The following HSD17B11 variants were observed in gnomAD, a reference collection of about 807,000 sequenced individuals.
HSD17B11 encodes the protein hydroxysteroid 17-beta dehydrogenase 11.
In HSD17B11, 22 loss-of-function variants were observed where a neutral mutation model predicts 27.8. That is an observed-to-expected ratio of 0.79 (90% confidence interval 0.56 to 1.13). HSD17B11 has a LOEUF of 1.13. Among genes scored for constraint, HSD17B11 ranks in the 50% most tolerant of loss-of-function variants. The pLI is 0.00. For synonymous variants in HSD17B11, 117 were observed against 132.8 expected, an observed-to-expected ratio of 0.88 and a Z score of 0.82; for missense variants, 314 against 351.1, an observed-to-expected ratio of 0.89 and a Z score of 0.84.
At chr4:87,377,227 G>A (rs1173811523) in intron 2 of HSD17B11, among the ~76,000 whole-genome samples, 1 of 152,094 alleles carries the variant, frequency 6.6e-6, no homozygotes, top group Non-Finnish European at 1.5e-5. Context: ...TGAGGCAGGT[G>A]GATCATGAGG....
At chr4:87,340,734 T>C (rs1735151357) in intron 5 of HSD17B11, 128 bp from the exon 6 acceptor site, 2 of 571,412 alleles carry the variant, frequency 3.5e-6, no homozygotes, top group Non-Finnish European at 6.2e-6. Context: ...TCTAGCCTAG[T>C]ATAGGTGCTC....
At chr4:87,377,789 T>C (rs1444187945) in intron 2 of HSD17B11, among the ~76,000 whole-genome samples, 1 of 152,304 alleles carries the variant, frequency 6.6e-6, no homozygotes, top group Non-Finnish European at 1.5e-5. Flanking sequence ...TATTTAGAGA[T>C]AGTGCTACAG....
intron 4 of HSD17B11, among the ~76,000 whole-genome samples, chr4:87,361,699 G>A (rs1300380670): frequency 3.9e-5 from 6 of 152,226 alleles, no homozygotes; most frequent in South Asian, 2.1e-4. Context: ...CCCGGGAGGC[G>A]GAGCTTGCAG....
intron 1 of HSD17B11, among the ~76,000 whole-genome samples, chr4:87,387,611 AAT>A (rs1480017922): frequency 6.6e-6 from 1 of 152,210 alleles, no homozygotes; most frequent in Non-Finnish European, 1.5e-5. Flanking sequence ...CGGCAAGAAA[AAT>A]AGAGTGGGAT....
chr4:87,355,774 C>A (rs955170566), intron 5 of HSD17B11, among the ~76,000 whole-genome samples: 1 of 151,928 alleles, frequency 6.6e-6, no homozygotes, highest in South Asian at 2.1e-4. Context: ...CGTGGTCGTG[C>A]GTGCCTGTAA....
At chr4:87,389,796 TC>T (rs1313357840) in intron 1 of HSD17B11, among the ~76,000 whole-genome samples, 1 of 152,142 alleles carries the variant, frequency 6.6e-6, no homozygotes, top group Non-Finnish European at 1.5e-5. Context: ...CTACCAAAGG[TC>T]AAATAAAAGG....
chr4:87,370,900 C>G (rs960470973), intron 4 of HSD17B11, among the ~76,000 whole-genome samples: 1 of 123,614 alleles, frequency 8.1e-6, no homozygotes, highest in Non-Finnish European at 1.6e-5. Context: ...CTACAGGCGC[C>G]CGCTACCACG....
intron 4 of HSD17B11, among the ~76,000 whole-genome samples, chr4:87,363,429 A>G (rs983505446): frequency 1.3e-5 from 2 of 152,206 alleles, no homozygotes; most frequent in Non-Finnish European, 2.9e-5. Context: ...GGGGTACTTC[A>G]GGATAAAACA....
intron 2 of HSD17B11, among the ~76,000 whole-genome samples, chr4:87,376,917 G>A (rs572401999): frequency 1.3e-5 from 2 of 151,694 alleles, no homozygotes; most frequent in African/African-American, 4.8e-5. Flanking sequence ...ATCACTTGAG[G>A]CCAGGAGTTC....
At chr4:87,387,527 T>C (rs1365688715) in intron 1 of HSD17B11, among the ~76,000 whole-genome samples, 1 of 152,180 alleles carries the variant, frequency 6.6e-6, no homozygotes, top group East Asian at 1.9e-4. Flanking sequence ...CCTGGACTGC[T>C]CCAAATCCCC....
At chr4:87,363,450 A>T (rs1439071348) in intron 4 of HSD17B11, among the ~76,000 whole-genome samples, 1 of 152,312 alleles carries the variant, frequency 6.6e-6, no homozygotes, top group East Asian at 1.9e-4. Context: ...TGGGCTTAGA[A>T]CACCTGTAAG....
intron 4 of HSD17B11, among the ~76,000 whole-genome samples, chr4:87,363,757 G>T (rs560664122): frequency 6.6e-6 from 1 of 152,194 alleles, no homozygotes; most frequent in South Asian, 2.1e-4. Flanking sequence ...CAGACCTGTA[G>T]CTCAGTAGCT....
intron 2 of HSD17B11, among the ~76,000 whole-genome samples, chr4:87,378,869 T>TATATATATAA (rs1720013556): frequency 5.3e-5 from 1 of 18,824 alleles, no homozygotes; most frequent in Non-Finnish European, 9.0e-5. Flanking sequence ...TATATATAAA[T>TATATATATAA]ATATATATAT....
At chr4:87,377,421 G>C (rs1180254725) in intron 2 of HSD17B11, among the ~76,000 whole-genome samples, 1 of 151,132 alleles carries the variant, frequency 6.6e-6, no homozygotes, top group Non-Finnish European at 1.5e-5. Context: ...CTGTGCTCTA[G>C]CCTGAGCGAC....
chr4:87,357,949 ATTTTTTTTTTTTTTT>A (rs57139706), intron 4 of HSD17B11, among the ~76,000 whole-genome samples: 8 of 80,172 alleles, frequency 1.0e-4, no homozygotes, highest in East Asian at 4.7e-4. Flanking sequence ...CATTAGAGAA[ATTTTTTTTTTTTTTT>A]TTTTTTTTTT....
At chr4:87,366,446 C>T (rs6857133) in intron 4 of HSD17B11, among the ~76,000 whole-genome samples, 57,857 of 151,920 alleles carry the variant, frequency 0.38, 11,310 homozygotes, top group Non-Finnish European at 0.43. Context: ...GGTGAAATTT[C>T]GCTTATTTGG....
chr4:87,366,007 C>A (rs968333122), intron 4 of HSD17B11: 2 of 152,130 alleles, frequency 1.3e-5, no homozygotes, highest in Non-Finnish European at 1.5e-5. Context: ...CAGGCATGTG[C>A]CACCATGCCT....
intron 5 of HSD17B11, 79 bp downstream of exon 5, chr4:87,357,200 T>C: frequency 7.0e-7 from 1 of 1,418,934 alleles, no homozygotes; most frequent in Non-Finnish European, 9.6e-7. Context: ...TTTTCAGGAT[T>C]AAAACATTTA....
intron 1 of HSD17B11, among the ~76,000 whole-genome samples, chr4:87,383,301 G>A (rs938288397): frequency 2.0e-5 from 3 of 152,102 alleles, no homozygotes; most frequent in Non-Finnish European, 2.9e-5. Flanking sequence ...TATAGTGTCA[G>A]GTTTATGTGT....
Sources: allele counts gnomAD v4.1 joint callset (sites outside exome capture counted in the v4.1 genomes callset), GRCh38; gene constraint gnomAD v4.1.1; transcripts MANE v1.5; gene names NCBI Gene and HGNC (gene_info 2026-07-23, HGNC 2026-07-21).